BABAM2: variants seen among roughly 807,000 people sequenced by gnomAD.
The protein encoded by BABAM2 is BRISC and BRCA1-A complex member 2.
BABAM2 carries 31 observed loss-of-function variants against 54.7 expected under a neutral mutation model. That is an observed-to-expected ratio of 0.57 (90% CI 0.43 to 0.77). BABAM2 has a LOEUF of 0.77. Among genes scored for constraint, BABAM2 ranks in the 30% least tolerant of loss-of-function variants. The pLI is 0.00. For missense variants in BABAM2, 364 were observed against 455.8 expected (o/e 0.80, Z 1.83); for synonymous variants, 167 against 162.9 (o/e 1.03, Z -0.19).
chr2:27,928,242 G>A (rs1172030114), intron 2 of BABAM2, among the ~76,000 whole-genome samples: 2 of 151,826 alleles, frequency 1.3e-5, no homozygotes, highest in Non-Finnish European at 2.9e-5. Context: ...TCTCCATCTC[G>A]TGACCTCGTG....
chr2:28,316,931 C>G (rs1238433007), intron 11 of BABAM2, among the ~76,000 whole-genome samples: 1 of 152,230 alleles, frequency 6.6e-6, no homozygotes, highest in Non-Finnish European at 1.5e-5. Context: ...GTCTAGGTGT[C>G]TGTCTACTAC....
intron 6 of BABAM2, among the ~76,000 whole-genome samples, chr2:28,059,372 G>C (rs1485927707): frequency 6.6e-6 from 1 of 152,024 alleles, no homozygotes; most frequent in Non-Finnish European, 1.5e-5. Context: ...ATATTATATA[G>C]TTGGGATGTG....
chr2:27,953,020 TTC>T (rs555553730), intron 3 of BABAM2, among the ~76,000 whole-genome samples: 2 of 151,896 alleles, frequency 1.3e-5, no homozygotes, highest in Admixed American at 6.6e-5. Flanking sequence ...CCCTTCACAC[TTC>T]TCTCTCTCTC....
chr2:28,169,149 C>T (rs990805414), intron 7 of BABAM2, among the ~76,000 whole-genome samples: 1 of 152,164 alleles, frequency 6.6e-6, no homozygotes, highest in Non-Finnish European at 1.5e-5. Context: ...TCTTCTGAAC[C>T]ACACCATGGA....
rs987574394 is a variant in BABAM2, at chr2:28,061,626, T to A, written c.570+15827T>A. Among the ~76,000 whole-genome samples the A allele has an allele frequency of 6.7e-5, 10 of 148,764 alleles. No homozygotes were observed. In the East Asian group the frequency reaches 2.0e-3, roughly 29 times the overall value. ...AAAGAGAAAAGAAAAGAAACTTCAA[T>A]CCATGCCTTGAAAAGACATATATAT... is the stretch of plus-strand genomic sequence containing the variant. On this transcript the variant is annotated intron_variant, in intron 6 of 11. Transcript: ENST00000379624.
Position 28,048,172 on chromosome 2 carries a change from G to A in BABAM2, c.570+2373G>A, listed in dbSNP as rs551123662. On this transcript the variant is annotated intron_variant, in intron 6 of 11. Transcript: ENST00000379624. ...GGAAGGTAGAACTTGAAAATATTGA[G>A]TAGTATGGAGTTAGACTGCATACCC... is the stretch of plus-strand genomic sequence containing the variant. Among the ~76,000 whole-genome samples the A allele has an allele frequency of 1.4e-4, 21 of 152,272 alleles. No homozygotes were observed. In the East Asian group the frequency reaches 3.3e-3, roughly 24 times the overall value.
chr2:27,997,746 G>A (rs924157654), intron 4 of BABAM2, among the ~76,000 whole-genome samples: 2 of 152,064 alleles, frequency 1.3e-5, no homozygotes, highest in Admixed American at 6.6e-5. Flanking sequence ...AAATCCAATG[G>A]CAAATATAAC....
intron 4 of BABAM2, among the ~76,000 whole-genome samples, chr2:28,005,850 A>T (rs867222801): frequency 7.9e-5 from 12 of 152,292 alleles, no homozygotes; most frequent in African/African-American, 2.9e-4. Flanking sequence ...GCCTAGTAGC[A>T]TTGTAGTTTG....
At chr2:28,186,352 T>C (rs1209821306) in intron 7 of BABAM2, among the ~76,000 whole-genome samples, 1 of 152,224 alleles carries the variant, frequency 6.6e-6, no homozygotes, top group Non-Finnish European at 1.5e-5. Flanking sequence ...TTCACTGGAT[T>C]GTTTCAAAGC....
chr2:28,154,591 C>T (rs781346653), intron 7 of BABAM2, among the ~76,000 whole-genome samples: 3 of 152,162 alleles, frequency 2.0e-5, no homozygotes, highest in Non-Finnish European at 4.4e-5. Context: ...TATATTCCTT[C>T]TGGTGCCTTC....
chr2:28,271,628 A>C (rs894206327), intron 10 of BABAM2, among the ~76,000 whole-genome samples: 1 of 152,176 alleles, frequency 6.6e-6, no homozygotes, highest in African/African-American at 2.4e-5. Flanking sequence ...CATGATTTTG[A>C]AAAGGATTTT....
At chr2:28,056,089 G>T (rs1335656392) in intron 6 of BABAM2, among the ~76,000 whole-genome samples, 1 of 152,124 alleles carries the variant, frequency 6.6e-6, no homozygotes. Context: ...TGGGTTGGGG[G>T]TGGTGGTGAG....
intron 2 of BABAM2, among the ~76,000 whole-genome samples, chr2:27,914,138 A>G (rs1666796452): frequency 6.6e-6 from 1 of 152,202 alleles, no homozygotes; most frequent in African/African-American, 2.4e-5. Context: ...AATGTTAACC[A>G]TATGATCTAT....
intron 7 of BABAM2, among the ~76,000 whole-genome samples, chr2:28,171,239 A>T (rs2147850275): frequency 6.6e-6 from 1 of 152,326 alleles, no homozygotes; most frequent in East Asian, 1.9e-4. Context: ...TACTACAATT[A>T]ATGATGAATA....
Position 28,241,864 on chromosome 2 carries a change from CTTT to C in BABAM2, c.851+488_851+490del, listed in dbSNP as rs35913780. ...GTTCATACCAAAGCTCCCAGGATCC[CTTT>C]TTTTTTTTTTTTTTTTCGGTACTCT... is the stretch of plus-strand genomic sequence containing the variant. On this transcript the variant is annotated intron_variant, in intron 9 of 11. Coordinates refer to ENST00000379624, the MANE Select transcript of BABAM2 (RefSeq NM_199191.3). Among the ~76,000 whole-genome samples, 212 of 110,426 alleles carry C rather than the reference CTTT, an allele frequency of 1.9e-3. 1 individual carries two copies. The highest frequency in any genetic ancestry group is 4.7e-3 in the African/African-American group (140 of 29,866). 72.4% of individuals were successfully genotyped at this position (110,426 alleles called of 152,430 possible).
At chr2:27,927,946 C>T (rs546485818) in intron 2 of BABAM2, among the ~76,000 whole-genome samples, 7 of 150,782 alleles carry the variant, frequency 4.6e-5, no homozygotes, top group East Asian at 4.0e-4. Context: ...CAGGTTCAAA[C>T]GATTCTCCTG....
chr2:27,896,741 C>A, intron 2 of BABAM2: 1 of 213,796 alleles, frequency 4.7e-6, no homozygotes, highest in South Asian at 5.9e-5. Flanking sequence ...ACCATATTTT[C>A]CTCTTCACTA....
chr2:28,240,698 C>T (rs1369552499), intron 8 of BABAM2, among the ~76,000 whole-genome samples: 6 of 151,754 alleles, frequency 4.0e-5, no homozygotes, highest in Non-Finnish European at 7.4e-5. Flanking sequence ...GGTGAAACCT[C>T]GTCTCTACTA....
intron 3 of BABAM2, among the ~76,000 whole-genome samples, chr2:27,955,843 T>TAA (rs1670043454): frequency 6.6e-6 from 1 of 152,236 alleles, no homozygotes; most frequent in Non-Finnish European, 1.5e-5. Context: ...TTTTTTGGAC[T>TAA]ATTTAATGTT....
Sources: allele counts gnomAD v4.1 joint callset (sites outside exome capture counted in the v4.1 genomes callset), GRCh38; gene constraint gnomAD v4.1.1; transcripts MANE v1.5; gene names NCBI Gene and HGNC (gene_info 2026-07-23, HGNC 2026-07-21).